The following AXIN1 variants were observed in gnomAD, a reference collection of about 807,000 sequenced individuals.
AXIN1 encodes the protein axin 1.
A neutral mutation model predicts 76.4 loss-of-function variants in AXIN1; 30 were observed. That is an observed-to-expected ratio of 0.39 (90% confidence interval 0.29 to 0.53). The LOEUF is 0.53. Ranked by LOEUF, AXIN1 falls within the 20% of genes least tolerant of loss-of-function variation. The pLI is 0.66. For synonymous variants in AXIN1, 545 were observed against 501.4 expected (o/e 1.09, Z -1.16); for missense variants, 1,140 against 1,198.8 (o/e 0.95, Z 0.72).
chr16:317,434 A>G (rs1362382853), intron 2 of AXIN1, among the ~76,000 whole-genome samples: 1 of 152,186 alleles, frequency 6.6e-6, no homozygotes, highest in East Asian at 1.9e-4. Context: ...CCATGCCACA[A>G]TGGAAAACAC....
chr16:326,198 C>T (rs893626305), intron 2 of AXIN1, among the ~76,000 whole-genome samples: 9 of 150,594 alleles, frequency 6.0e-5, no homozygotes, highest in African/African-American at 2.2e-4. Flanking sequence ...ACTAAAAATA[C>T]AAAAAATTAG....
At position 344,287 on chromosome 16, in the gene AXIN1, C is replaced by T. The variant is rs570443368; in HGVS notation, c.878+1861G>A. On this transcript the variant is annotated intron_variant, in intron 2 of 10. Coordinates refer to ENST00000262320, the MANE Select transcript of AXIN1 (RefSeq NM_003502.4). ...TCTACTAAAAATACAAAAAATTGGC[C>T]GGCATGGTGGCGGGCGCCTGTAGTC... 2.6e-5 allele frequency among the ~76,000 whole-genome samples: 4 copies of T among 151,422 alleles called. No homozygotes were observed. In the South Asian group the frequency reaches 8.4e-4, roughly 32 times the overall value.
intron 7 of AXIN1, among the ~76,000 whole-genome samples, chr16:296,253 C>G (rs559765148): frequency 6.6e-6 from 1 of 152,272 alleles, no homozygotes; most frequent in Non-Finnish European, 1.5e-5. Context: ...ACGCCCCAGG[C>G]GCTCAGCTGC....
At chr16:338,189 C>A (rs1479218452) in intron 2 of AXIN1, among the ~76,000 whole-genome samples, 2 of 152,210 alleles carry the variant, frequency 1.3e-5, no homozygotes, top group African/African-American at 4.8e-5. Flanking sequence ...CAAGGATGAG[C>A]AGAACCGGAG....
chr16:307,268 C>T (rs1294505535), intron 4 of AXIN1, among the ~76,000 whole-genome samples: 1 of 152,226 alleles, frequency 6.6e-6, no homozygotes, highest in Non-Finnish European at 1.5e-5. Context: ...CATAAAAAGA[C>T]TCCAGGTGGC....
intron 2 of AXIN1, among the ~76,000 whole-genome samples, chr16:315,589 T>A (rs748057706): frequency 1.3e-5 from 2 of 152,078 alleles, no homozygotes; most frequent in African/African-American, 2.4e-5. Flanking sequence ...GCACTTTGGG[T>A]GGCCGAGGCA....
At chr16:326,372 A>AAAATATAT (rs1380874299) in intron 2 of AXIN1, among the ~76,000 whole-genome samples, 18 of 86,466 alleles carry the variant, frequency 2.1e-4, no homozygotes, top group African/African-American at 7.0e-4. Context: ...AAAAAAAAAA[A>AAAATATAT]ATATATATAT....
At chr16:288,934 A>G (rs1451810343) in intron 10 of AXIN1, among the ~76,000 whole-genome samples, 1 of 152,220 alleles carries the variant, frequency 6.6e-6, no homozygotes, top group Non-Finnish European at 1.5e-5. Context: ...CCCACCCCGA[A>G]GATGAGGGCC....
chr16:332,743 T>C (rs962086954), intron 2 of AXIN1, among the ~76,000 whole-genome samples: 6 of 147,784 alleles, frequency 4.1e-5, no homozygotes, highest in Non-Finnish European at 6.0e-5. Flanking sequence ...TGAAAAGATA[T>C]GAAAACACAA....
At chr16:331,606 C>A (rs569162897) in intron 2 of AXIN1, among the ~76,000 whole-genome samples, 15 of 152,208 alleles carry the variant, frequency 9.9e-5, no homozygotes, top group Admixed American at 9.8e-4. Flanking sequence ...CTCCTATCAG[C>A]GTATAGAATG....
chr16:340,241 C>T (rs1356881100), intron 2 of AXIN1, among the ~76,000 whole-genome samples: 1 of 152,194 alleles, frequency 6.6e-6, no homozygotes, highest in African/African-American at 2.4e-5. Flanking sequence ...CAAGACAAGC[C>T]ACCATGTTGC....
At position 325,673 on chromosome 16, in the gene AXIN1, G is replaced by T. The variant is rs562526288; in HGVS notation, c.879-10990C>A. 8.5e-5 allele frequency among the ~76,000 whole-genome samples: 13 copies of T among 152,222 alleles called. No individual in the cohort carries two copies. In the South Asian group the frequency reaches 2.1e-3, roughly 24 times the overall value. ...AGTGATGGCTGCCACAGCGTCGTGT[G>T]TACAACTTATGGTCTGTCCCACGTG... On this transcript the variant is annotated intron_variant, in intron 2 of 10. Coordinates refer to ENST00000262320, the MANE Select transcript of AXIN1 (RefSeq NM_003502.4).
In AXIN1 at chr16:297,837, T is replaced by C. The variant is rs1325711869; in HGVS notation, c.1669A>G (p.Arg557Gly). ...KEQVEAEATR[R>G]AQSSFAWGLE... Reference sequence around the variant, plus strand: ...CCCCAGGCGAAGCTGCTCTGGGCCCTGCGGGTGGCCTCGGCCTCCACCTGC... The same window carrying C: ...CCCCAGGCGAAGCTGCTCTGGGCCCCGCGGGTGGCCTCGGCCTCCACCTGC... The change falls in exon 6 of 11, where the codon AGG becomes GGG. Residue 557 changes from arginine (R) to glycine (G), a missense_variant. Arg to Gly is a moderately radical substitution (Grantham distance 125). Transcript: ENST00000262320. 20 of 1,576,470 alleles carry C rather than the reference T, an allele frequency of 1.3e-5. No homozygotes were observed. The South Asian group carries it at 2.2e-4, about 18-fold the overall frequency.
At chr16:302,445 T>C (rs2052898209) in intron 5 of AXIN1, among the ~76,000 whole-genome samples, 1 of 152,238 alleles carries the variant, frequency 6.6e-6, no homozygotes. Context: ...GTGTGAGACA[T>C]TTCCACACAA....
chr16:334,128 C>T (rs1019733797), intron 2 of AXIN1, among the ~76,000 whole-genome samples: 5 of 150,968 alleles, frequency 3.3e-5, no homozygotes, highest in Non-Finnish European at 5.9e-5. Context: ...AACACAGCAC[C>T]CAGTACCACG....
intron 7 of AXIN1, among the ~76,000 whole-genome samples, chr16:294,915 T>A (rs2052668286): frequency 6.6e-6 from 1 of 150,852 alleles, no homozygotes; most frequent in African/African-American, 2.4e-5. Flanking sequence ...ATACAAAAAA[T>A]TAGCCGGGCG....
rs544062681 is a variant in AXIN1, at chr16:344,386, C to T, written c.878+1762G>A. On this transcript the variant is annotated intron_variant, in intron 2 of 10. Transcript: ENST00000262320. The stretch of plus-strand genomic sequence containing the variant: ...CGGAGCTTGCAGTGAGCCGAGATGG[C>T]GCCACCGCACTCCAGCCTGGGCGAT... 8.8e-4 allele frequency among the ~76,000 whole-genome samples: 127 copies of T among 145,102 alleles called. 3 individuals carry two copies. The highest frequency in any genetic ancestry group is 7.6e-3 in the South Asian group (34 of 4,456).
At chr16:314,324 T>C (rs539042177) in intron 3 of AXIN1, among the ~76,000 whole-genome samples, 2 of 152,224 alleles carry the variant, frequency 1.3e-5, no homozygotes, top group East Asian at 3.9e-4. Context: ...CAGGAAACAC[T>C]TTTCCTGAAG....
intron 5 of AXIN1, among the ~76,000 whole-genome samples, chr16:303,375 C>A (rs1380288354): frequency 6.6e-6 from 1 of 150,452 alleles, no homozygotes; most frequent in African/African-American, 2.4e-5. Context: ...TCTGGCTTTG[C>A]GGGAAGTGAT....
Sources: allele counts gnomAD v4.1 joint callset (sites outside exome capture counted in the v4.1 genomes callset), GRCh38; gene constraint gnomAD v4.1.1; transcripts MANE v1.5; gene names NCBI Gene and HGNC (gene_info 2026-07-23, HGNC 2026-07-21).